Variants in HERC1 observed in about 807,000 individuals in gnomAD.
HERC1 encodes HECT and RLD domain containing E3 ubiquitin protein ligase family member 1, also known as probable E3 ubiquitin-protein ligase HERC1.
Under a neutral mutation model 554.3 loss-of-function variants are expected in HERC1, and 160 were observed. That is an observed-to-expected ratio of 0.29 (90% CI 0.25 to 0.33). The LOEUF (loss-of-function observed/expected upper bound fraction) is 0.33. Ranked by LOEUF, HERC1 falls within the 10% of genes least tolerant of loss-of-function variation. HERC1 has a pLI of 1.00. For synonymous variants in HERC1, 2,175 were observed against 2,131.7 expected, an observed-to-expected ratio of 1.02 and a Z score of -0.56; for missense variants, 4,919 against 5,918.5, an observed-to-expected ratio of 0.83 and a Z score of 5.54.
At chr15:63,776,994 AT>A (rs2076137312) in intron 1 of HERC1, among the ~76,000 whole-genome samples, 1 of 152,174 alleles carries the variant, frequency 6.6e-6, no homozygotes, top group Non-Finnish European at 1.5e-5. Context: ...TATATTTTTT[AT>A]ATACACACAA....
chr15:63,626,241 G>A (rs1020307564), intron 70 of HERC1, 87 bp from the exon 71 acceptor site: 2 of 1,328,924 alleles, frequency 1.5e-6, no homozygotes, highest in African/African-American at 1.5e-5. Context: ...ATACAGAGAA[G>A]TTGAGATAAT....
chr15:63,685,634 T>C (rs909602031), intron 34 of HERC1, among the ~76,000 whole-genome samples: 1 of 152,218 alleles, frequency 6.6e-6, no homozygotes, highest in Non-Finnish European at 1.5e-5. Flanking sequence ...CTAAAAGGCA[T>C]AACTGAAGTC....
At chr15:63,656,379 C>A (rs1184043938) in intron 48 of HERC1, 21 bp from the exon 49 acceptor site, 5 of 1,595,610 alleles carry the variant, frequency 3.1e-6, no homozygotes, top group Non-Finnish European at 4.3e-6. Context: ...AGAAAAACAT[C>A]TCAGATGGAT....
chr15:63,785,845 C>G (rs563211778), intron 1 of HERC1, among the ~76,000 whole-genome samples: 2 of 152,078 alleles, frequency 1.3e-5, no homozygotes, highest in African/African-American at 2.4e-5. Flanking sequence ...TCAAAAACAA[C>G]AGGATTGATA....
chr15:63,677,796 T>A lies in HERC1; in HGVS notation c.7070+49A>T, dbSNP rs2071282658. 2.6e-6 allele frequency: 4 copies of A among 1,566,466 alleles called. No homozygotes were observed. In the East Asian group the frequency reaches 9.0e-5, roughly 35 times the overall value. On this transcript the variant is annotated intron_variant, in intron 37 of 77. Transcript: ENST00000443617. The surrounding 1 kb of genome is among the most constrained non-coding windows in gnomAD (Gnocchi z 4.4). The stretch of plus-strand genomic sequence containing the variant: ...TCACTGTCGACAGGCAATGGCCTAT[T>A]TCACCATTAAATATTTGTTTGCTAA...
At chr15:63,660,938 AC>A (rs775558803) in intron 46 of HERC1, 34 bp downstream of exon 46, 10 of 1,302,760 alleles carry the variant, frequency 7.7e-6, no homozygotes, top group East Asian at 4.5e-5. Context: ...ATATAAAAAA[AC>A]ATGTAAAATA....
intron 1 of HERC1, among the ~76,000 whole-genome samples, chr15:63,779,015 G>A (rs923311985): frequency 1.5e-4 from 23 of 151,834 alleles, no homozygotes; most frequent in African/African-American, 5.1e-4. Flanking sequence ...GAAGAAAAAG[G>A]CAAAATTATC....
intron 1 of HERC1, among the ~76,000 whole-genome samples, chr15:63,814,357 C>G (rs1010804180): frequency 6.6e-6 from 1 of 150,892 alleles, no homozygotes; most frequent in African/African-American, 2.4e-5. Context: ...ATCCTCATCT[C>G]AAGAGCACAC....
chr15:63,707,112 T>C (rs953072248), intron 24 of HERC1, among the ~76,000 whole-genome samples: 2 of 152,238 alleles, frequency 1.3e-5, no homozygotes, highest in Non-Finnish European at 2.9e-5. Context: ...TTGGAATCTT[T>C]GTCTTTTATC....
intron 25 of HERC1, among the ~76,000 whole-genome samples, chr15:63,701,155 G>A (rs1282459322): frequency 1.3e-5 from 2 of 151,958 alleles, no homozygotes; most frequent in Admixed American, 6.6e-5. Flanking sequence ...AGAAGAAAAA[G>A]AGACCTTAAA....
chr15:63,624,953 T>G (rs961789657), intron 71 of HERC1, among the ~76,000 whole-genome samples: 1 of 152,232 alleles, frequency 6.6e-6, no homozygotes, highest in Non-Finnish European at 1.5e-5. Flanking sequence ...CTTCTGTGTA[T>G]GCACACATAA....
Position 63,674,661 on chromosome 15 carries a change from G to T in HERC1, c.7527C>A (p.Ser2509=). 9 of 1,613,806 alleles carry T rather than the reference G, an allele frequency of 5.6e-6. No individual in the cohort carries two copies. The highest frequency in any genetic ancestry group is 7.6e-6 in the Non-Finnish European group (9 of 1,179,780). The change falls in exon 38 of 78, where the codon TCC becomes TCA. Residue 2509 remains serine (S), a synonymous_variant. Transcript: ENST00000443617. ...AQSEIRAVQL[S]YLYLGAMKSL... is the part of the protein sequence containing the mutation. ...ACTTCATAGCACCGAGGTAAAGATA[G>T]GACAGCTGGACTGCTCTGATTTCTG... is the stretch of plus-strand genomic sequence containing the variant.
intron 74 of HERC1, among the ~76,000 whole-genome samples, chr15:63,621,850 T>G (rs911852556): frequency 6.6e-6 from 1 of 152,188 alleles, no homozygotes; most frequent in Non-Finnish European, 1.5e-5. Flanking sequence ...TCAGGTCCTT[T>G]AAGGACTTCT....
Position 63,734,691 on chromosome 15 carries a change from AC to A in HERC1, c.2646+32del. 6.7e-7 allele frequency: 1 copy of A among 1,503,552 alleles called. No individual in the cohort carries two copies. Among genetic ancestry groups the A allele is most frequent in the Non-Finnish European group, 8.8e-7 (1 of 1,133,000 alleles). 93.1% of individuals were successfully genotyped at this position (1,503,552 alleles called of 1,614,324 possible). ...TCTCAGTCCAAATTTTTAGGATACT[AC>A]TGGTTTACTTACACAGCAAGCAAAG... On this transcript the variant is annotated intron_variant, in intron 13 of 77. Transcript: ENST00000443617. This position sits in a 1 kb window ranked among gnomAD's most constrained non-coding sequence, Gnocchi z 4.6.
intron 69 of HERC1, 115 bp from the exon 70 acceptor site, chr15:63,628,930 C>T: frequency 7.6e-6 from 7 of 919,662 alleles, no homozygotes; most frequent in Non-Finnish European, 1.2e-5. Flanking sequence ...CTGTACCATG[C>T]ATCAGCATCA....
At chr15:63,714,210 C>A (rs780910452) in intron 22 of HERC1, among the ~76,000 whole-genome samples, 1 of 151,686 alleles carries the variant, frequency 6.6e-6, no homozygotes, top group African/African-American at 2.4e-5. Context: ...AAAAAAAAAA[C>A]GGACAAAATT....
intron 67 of HERC1, 139 bp downstream of exon 67, chr15:63,633,709 A>G: frequency 1.2e-6 from 1 of 813,830 alleles, no homozygotes; most frequent in Non-Finnish European, 1.9e-6. Context: ...GCATTCAAGA[A>G]TGCACAACAG....
At position 63,761,978 on chromosome 15, in the gene HERC1, T is replaced by C. The variant is rs1274318940; in HGVS notation, c.1026+2118A>G. Among the ~76,000 whole-genome samples the C allele has an allele frequency of 2.0e-5, 3 of 152,192 alleles. No individual in the cohort carries two copies. In the East Asian group the frequency reaches 5.8e-4, roughly 29 times the overall value. ...ATCCTAGCTCTGTCTACCATGAATA[T>C]AAAAACCTAGAAATAAGACCAACTC... On this transcript the variant is annotated intron_variant, in intron 3 of 77. Coordinates refer to ENST00000443617, the MANE Select transcript of HERC1 (RefSeq NM_003922.4).
chr15:63,713,914 C>T (rs892156972), intron 22 of HERC1, among the ~76,000 whole-genome samples: 2 of 152,142 alleles, frequency 1.3e-5, no homozygotes, highest in Non-Finnish European at 2.9e-5. Context: ...AATGTAATCA[C>T]AATTCAAATG....
Sources: allele counts gnomAD v4.1 joint callset (sites outside exome capture counted in the v4.1 genomes callset), GRCh38; gene constraint gnomAD v4.1.1; non-coding constraint Gnocchi (gnomAD v3.1); transcripts MANE v1.5; gene names NCBI Gene and HGNC (gene_info 2026-07-23, HGNC 2026-07-21).